The following PLCG2 variants were observed in gnomAD, a reference collection of about 807,000 sequenced individuals.
The protein encoded by PLCG2 is 1-phosphatidylinositol 4,5-bisphosphate phosphodiesterase gamma-2.
Under a neutral mutation model 175.6 loss-of-function variants are expected in PLCG2, and 69 were observed. The observed-to-expected ratio is 0.39, with a 90% confidence interval of 0.32 to 0.48. The LOEUF (loss-of-function observed/expected upper bound fraction) is 0.48. Ranked by LOEUF, PLCG2 falls within the 20% of genes least tolerant of loss-of-function variation. PLCG2 has a pLI of 0.91. For missense variants in PLCG2, 1,798 were observed against 1,650.9 expected, an observed-to-expected ratio of 1.09 and a Z score of -1.54; for synonymous variants, 827 against 624.0, an observed-to-expected ratio of 1.33 and a Z score of -4.85.
Position 81,907,217 on chromosome 16 carries a change from C to T in PLCG2, c.1468-468C>T, listed in dbSNP as rs184433043. ...TGCACCCAGCCTCCTCTCACATTAA[C>T]GTCATGCATGACAATAAAACAGTGA... On this transcript the variant is annotated intron_variant, in intron 15 of 32. Coordinates refer to ENST00000564138, the MANE Select transcript of PLCG2 (RefSeq NM_002661.5). Among the ~76,000 whole-genome samples the T allele has an allele frequency of 8.1e-3, 1,228 of 152,002 alleles. 7 individuals carry two copies. Among genetic ancestry groups the T allele is most frequent in the Non-Finnish European group, 0.014 (968 of 67,976 alleles).
intron 2 of PLCG2, among the ~76,000 whole-genome samples, chr16:81,853,602 A>C (rs998041618): frequency 9.2e-5 from 14 of 152,294 alleles, no homozygotes; most frequent in African/African-American, 2.9e-4. Context: ...CCCCTATGAG[A>C]ATCTGATGCC....
chr16:81,811,070 G>A (rs1447908926), intron 2 of PLCG2, among the ~76,000 whole-genome samples: 1 of 152,170 alleles, frequency 6.6e-6, no homozygotes, highest in Non-Finnish European at 1.5e-5. Flanking sequence ...GGACATGAGT[G>A]TGCACTTCCT....
chr16:81,769,206 G>C (rs1910218960), intron 2 of PLCG2, among the ~76,000 whole-genome samples: 1 of 152,184 alleles, frequency 6.6e-6, no homozygotes, highest in Admixed American at 6.5e-5. Context: ...TTCTGAAATG[G>C]TTGCCGCAGG....
At chr16:81,935,464 C>G (rs1001804039) in intron 26 of PLCG2, 1 of 923,906 alleles carries the variant, frequency 1.1e-6, no homozygotes, top group Non-Finnish European at 1.3e-6. Flanking sequence ...CTCCAGGTAG[C>G]AAGCTTTTTG....
intron 1 of PLCG2, among the ~76,000 whole-genome samples, chr16:81,747,362 C>G (rs1206815945): frequency 1.3e-5 from 2 of 152,048 alleles, no homozygotes; most frequent in Non-Finnish European, 2.9e-5. Context: ...TGTTGAAACC[C>G]CATCTTTACT....
upstream of PLCG2, among the ~76,000 whole-genome samples, chr16:81,778,071 C>T (rs77510974): frequency 2.6e-5 from 2 of 77,198 alleles, no homozygotes; most frequent in East Asian, 2.8e-4. Flanking sequence ...AAACCAAAAA[C>T]ACACACACAC....
chr16:81,751,048 T>C (rs1221261063), intron 1 of PLCG2, among the ~76,000 whole-genome samples: 3 of 147,258 alleles, frequency 2.0e-5, no homozygotes, highest in African/African-American at 7.6e-5. Context: ...TAGTGCAATC[T>C]TGGCTCACTA....
chr16:81,797,798 T>C lies in PLCG2; in HGVS notation c.193+11616T>C, dbSNP rs183673821. Among the ~76,000 whole-genome samples the C allele has an allele frequency of 3.9e-5, 6 of 152,266 alleles. No individual in the cohort carries two copies. In the East Asian group the frequency reaches 9.6e-4, roughly 24 times the overall value. ...AGTGACTGTGTGACCTTAGGCAATC[T>C]ACTTGGCCTCTTTGAGTCTCAGTTT... On this transcript the variant is annotated intron_variant, in intron 2 of 32. Coordinates refer to ENST00000564138, the MANE Select transcript of PLCG2 (RefSeq NM_002661.5).
chr16:81,900,634 G>A lies in PLCG2; in HGVS notation c.1216G>A (p.Glu406Lys). 1.2e-6 allele frequency: 2 copies of A among 1,600,492 alleles called. No individual in the cohort carries two copies. The highest frequency in any genetic ancestry group is 1.7e-6 in the Non-Finnish European group (2 of 1,168,896). The change falls in exon 14 of 33, where the codon GAG becomes AAG. Residue 406 changes from glutamate (E) to lysine (K), a missense_variant. Physicochemically the swap from Glu to Lys is moderately conservative, Grantham distance 56. Coordinates refer to ENST00000564138, the MANE Select transcript of PLCG2 (RefSeq NM_002661.5). ...TSSFPVILSI[E>K]EHCSVEQQRH... is the part of the protein sequence containing the mutation. Reference sequence around the variant, plus strand: ...CAGCTTCCCAGTGATCCTGTCCATCGAGGAGCACTGCAGCGTGGAGCAACA... The same window carrying A: ...CAGCTTCCCAGTGATCCTGTCCATCAAGGAGCACTGCAGCGTGGAGCAACA...
At chr16:81,788,310 T>C (rs1911074048) in intron 2 of PLCG2, among the ~76,000 whole-genome samples, 1 of 152,190 alleles carries the variant, frequency 6.6e-6, no homozygotes, top group Non-Finnish European at 1.5e-5. Context: ...AGACAGAGTC[T>C]CGCTCTGTTG....
chr16:81,763,928 C>G (rs1910091336), intron 2 of PLCG2, among the ~76,000 whole-genome samples: 1 of 152,046 alleles, frequency 6.6e-6, no homozygotes, highest in Non-Finnish European at 1.5e-5. Context: ...GATTTTGCCA[C>G]TGCACTCCAG....
At chr16:81,921,470 C>T in intron 21 of PLCG2, 1 of 617,460 alleles carries the variant, frequency 1.6e-6, no homozygotes. Context: ...AGAATTCCAT[C>T]CAAATGCAAC....
At chr16:81,904,453 C>T (rs887928768) in intron 14 of PLCG2, among the ~76,000 whole-genome samples, 3 of 152,320 alleles carry the variant, frequency 2.0e-5, no homozygotes, top group East Asian at 1.9e-4. Flanking sequence ...CTTAATCTTG[C>T]AGATGAGAAG....
In PLCG2 at chr16:81,959,602, C is replaced by G. The variant is rs1262450088; in HGVS notation, c.*1604C>G. Reference sequence around the variant, plus strand: ...ATCTGGTGCTATCACTCCAGTTACTCCTCCAACTGGGAGCTGCTATTTTAT... The same window carrying G: ...ATCTGGTGCTATCACTCCAGTTACTGCTCCAACTGGGAGCTGCTATTTTAT... On this transcript the variant is annotated 3_prime_UTR_variant, in exon 33 of 33. Coordinates refer to ENST00000564138, the MANE Select transcript of PLCG2 (RefSeq NM_002661.5). 1 of 195,834 alleles carries G rather than the reference C, an allele frequency of 5.1e-6. No individual in the cohort carries two copies. Among genetic ancestry groups the G allele is most frequent in the Non-Finnish European group, 1.1e-5 (1 of 94,278 alleles). 12.1% of individuals were successfully genotyped at this position (195,834 alleles called of 1,614,324 possible).
At chr16:81,741,005 C>T (rs1425410678) in intron 1 of PLCG2, among the ~76,000 whole-genome samples, 2 of 152,216 alleles carry the variant, frequency 1.3e-5, no homozygotes, top group Non-Finnish European at 2.9e-5. Context: ...CTAATCCATG[C>T]ACCCTCTGTG....
At chr16:81,766,982 C>A (rs1261448940) in intron 2 of PLCG2, 2 of 152,106 alleles carry the variant, frequency 1.3e-5, no homozygotes, top group East Asian at 3.9e-4. Context: ...AGTCCAAATG[C>A]CTTAACAAGT....
chr16:81,812,240 G>A (rs1254273644), intron 2 of PLCG2, among the ~76,000 whole-genome samples: 5 of 151,814 alleles, frequency 3.3e-5, no homozygotes, highest in African/African-American at 9.7e-5. Flanking sequence ...TAGTAGAGAC[G>A]AAGTTTCACC....
intron 2 of PLCG2, among the ~76,000 whole-genome samples, chr16:81,829,449 C>G (rs1245295268): frequency 6.6e-6 from 1 of 152,212 alleles, no homozygotes; most frequent in Non-Finnish European, 1.5e-5. Context: ...AACTCCTAAG[C>G]TCAGGTGATC....
chr16:81,877,690 G>C (rs138078413), intron 7 of PLCG2, among the ~76,000 whole-genome samples: 1 of 152,196 alleles, frequency 6.6e-6, no homozygotes, highest in African/African-American at 2.4e-5. Flanking sequence ...TCCTCGGTGT[G>C]TAGATGGCAT....
Sources: gnomAD v4.1 joint callset for allele counts (sites outside exome capture counted in the v4.1 genomes callset) on GRCh38, gnomAD v4.1.1 for gene constraint, MANE v1.5 for transcripts, NCBI Gene and HGNC (gene_info 2026-07-23, HGNC 2026-07-21) for gene names.